Variants in HHAT observed in about 807,000 individuals in gnomAD.
The protein encoded by HHAT is protein-cysteine N-palmitoyltransferase HHAT.
Under a neutral mutation model 70.8 loss-of-function variants are expected in HHAT, and 47 were observed. The ratio of observed to expected loss-of-function variants is 0.66; its 90% CI spans 0.53 to 0.85. HHAT has a LOEUF of 0.85. HHAT is among the 40% of genes least tolerant of loss of function. HHAT has a pLI of 0.00. For missense variants in HHAT, 609 were observed against 604.8 expected (o/e 1.01, Z -0.07); for synonymous variants, 228 against 247.6 (o/e 0.92, Z 0.74).
At chr1:210,671,745 C>T (rs143110092) in intron 11 of HHAT, among the ~76,000 whole-genome samples, 32 of 152,316 alleles carry the variant, frequency 2.1e-4, no homozygotes, top group Non-Finnish European at 3.5e-4. Context: ...ACTAAGAATA[C>T]ATGTCTATTG....
In HHAT at chr1:210,464,725, A is replaced by G. The variant is rs41388951; in HGVS notation, c.1007+70A>G. On this transcript the variant is annotated intron_variant, in intron 8 of 11. Transcript: ENST00000261458. The stretch of plus-strand genomic sequence containing the variant: ...GAGGAGCATGGCTGGGCCGGCCTCA[A>G]AGGGTTCGGGCTACTATCCTCTCCC... 7.0e-3 allele frequency: 10,897 copies of G among 1,546,368 alleles called. 581 individuals are homozygous for G. The African/African-American group carries it at 0.12, about 17-fold the overall frequency.
At chr1:210,656,104 T>C (rs4951507) in intron 11 of HHAT, among the ~76,000 whole-genome samples, 121,241 of 152,158 alleles carry the variant, frequency 0.8, 49,848 homozygotes, top group Non-Finnish European at 0.91. Flanking sequence ...TAGCCAAAAT[T>C]CATCTCCTGT....
rs569921028 is a variant in HHAT at position 210,492,078 on chromosome 1, A to G, written c.1008-21075A>G. Among the ~76,000 whole-genome samples the G allele has an allele frequency of 3.9e-5, 6 of 152,166 alleles. No homozygotes were observed. In the South Asian group the frequency reaches 6.2e-4, roughly 16 times the overall value. On this transcript the variant is annotated intron_variant, in intron 8 of 11. Coordinates refer to ENST00000261458, the MANE Select transcript of HHAT (RefSeq NM_018194.6). ...GCACCTGGCCCTGTCTTTAGTTCCT[A>G]TAAGCTACTTTCTCTGCCTAGAAAG...
chr1:210,511,200 A>C (rs924239928), intron 8 of HHAT, among the ~76,000 whole-genome samples: 1 of 152,216 alleles, frequency 6.6e-6, no homozygotes, highest in African/African-American at 2.4e-5. Flanking sequence ...ATCAAATGAA[A>C]CACATCAGCT....
chr1:210,463,816 G>T (rs990306464), intron 7 of HHAT, among the ~76,000 whole-genome samples: 3 of 152,210 alleles, frequency 2.0e-5, no homozygotes, highest in Non-Finnish European at 4.4e-5. Flanking sequence ...ATCAACACTT[G>T]CTGATCTGAC....
intron 9 of HHAT, among the ~76,000 whole-genome samples, chr1:210,557,264 G>A (rs960975592): frequency 5.9e-5 from 9 of 152,222 alleles, no homozygotes; most frequent in African/African-American, 2.2e-4. Flanking sequence ...TCTTCATTGT[G>A]AGTGGAGGAC....
intron 10 of HHAT, among the ~76,000 whole-genome samples, chr1:210,623,027 A>G (rs1669157736): frequency 6.6e-6 from 1 of 152,190 alleles, no homozygotes; most frequent in Non-Finnish European, 1.5e-5. Context: ...AACTTGGGGT[A>G]TGTCACTTCT....
intron 7 of HHAT, among the ~76,000 whole-genome samples, chr1:210,461,521 C>T (rs1044973895): frequency 6.6e-6 from 1 of 152,128 alleles, no homozygotes; most frequent in South Asian, 2.1e-4. Context: ...AGGATGGTCT[C>T]GATCTCCTGG....
intron 2 of HHAT, among the ~76,000 whole-genome samples, chr1:210,360,599 C>T (rs934554060): frequency 4.6e-5 from 7 of 152,060 alleles, no homozygotes; most frequent in Non-Finnish European, 8.8e-5. Flanking sequence ...CGTGAGCTAC[C>T]GCGCCTGGCC....
At chr1:210,600,597 G>A (rs1055328594) in intron 10 of HHAT, among the ~76,000 whole-genome samples, 1 of 152,178 alleles carries the variant, frequency 6.6e-6, no homozygotes, top group African/African-American at 2.4e-5. Flanking sequence ...GCACAGAGCT[G>A]TAGGAAGCTA....
intron 2 of HHAT, among the ~76,000 whole-genome samples, chr1:210,350,972 G>C (rs1267061102): frequency 6.6e-6 from 1 of 152,152 alleles, no homozygotes; most frequent in Non-Finnish European, 1.5e-5. Context: ...GACTGTATTA[G>C]TTAGGGTTCT....
chr1:210,482,142 C>T (rs1417145212), intron 8 of HHAT, among the ~76,000 whole-genome samples: 1 of 152,124 alleles, frequency 6.6e-6, no homozygotes, highest in African/African-American at 2.4e-5. Context: ...AGCAGTAAAC[C>T]AGTTAAGAGA....
intron 7 of HHAT, among the ~76,000 whole-genome samples, chr1:210,430,204 A>G (rs2093202286): frequency 6.6e-6 from 1 of 151,674 alleles, no homozygotes; most frequent in Non-Finnish European, 1.5e-5. Context: ...ATGAGCCTTT[A>G]TTTGCCTCTG....
chr1:210,349,089 C>T (rs757275461), intron 2 of HHAT, 23 bp downstream of exon 2: 2 of 1,607,892 alleles, frequency 1.2e-6, no homozygotes, highest in Non-Finnish European at 1.7e-6. Flanking sequence ...GCTTTTCAGA[C>T]CTCCTATCAA....
chr1:210,367,376 G>A (rs974707869), intron 3 of HHAT, among the ~76,000 whole-genome samples: 1 of 152,094 alleles, frequency 6.6e-6, no homozygotes, highest in Non-Finnish European at 1.5e-5. Context: ...GAAATACATT[G>A]GTCCTACGTG....
intron 9 of HHAT, among the ~76,000 whole-genome samples, chr1:210,540,641 T>TC (rs1329176763): frequency 3.3e-5 from 5 of 151,494 alleles, no homozygotes; most frequent in Non-Finnish European, 5.9e-5. Flanking sequence ...TATTGATTTT[T>TC]TTTTTTTAAG....
chr1:210,535,731 A>G (rs1306968664), intron 9 of HHAT, among the ~76,000 whole-genome samples: 2 of 152,180 alleles, frequency 1.3e-5, no homozygotes, highest in Non-Finnish European at 2.9e-5. Context: ...CATAGAAAAT[A>G]TAGCAAAGGT....
intron 3 of HHAT, among the ~76,000 whole-genome samples, chr1:210,368,735 T>C (rs2089261963): frequency 6.6e-6 from 1 of 152,148 alleles, no homozygotes; most frequent in African/African-American, 2.4e-5. Flanking sequence ...GTGGTTATTG[T>C]TACTTTTTTC....
intron 11 of HHAT, among the ~76,000 whole-genome samples, chr1:210,666,672 C>T (rs749054835): frequency 2.6e-5 from 4 of 152,008 alleles, no homozygotes; most frequent in Non-Finnish European, 5.9e-5. Context: ...TTAGTAGAGA[C>T]CAAGTTTTGC....
Sources: allele counts gnomAD v4.1 joint callset (sites outside exome capture counted in the v4.1 genomes callset), GRCh38; gene constraint gnomAD v4.1.1; transcripts MANE v1.5; gene names NCBI Gene and HGNC (gene_info 2026-07-23, HGNC 2026-07-21).